Variants in SMCO2 observed in about 807,000 individuals in gnomAD.
SMCO2 encodes single-pass membrane protein with coiled-coil domains 2.
A neutral mutation model predicts 29.5 loss-of-function variants in SMCO2; 25 were observed. That is an observed-to-expected ratio of 0.85 (90% CI 0.62 to 1.18). SMCO2 has a LOEUF of 1.18. Ranked by LOEUF, SMCO2 falls within the 50% of genes most tolerant of loss-of-function variation. The pLI is 0.00. For synonymous variants in SMCO2, 117 were observed against 123.3 expected (o/e 0.95, Z 0.34); for missense variants, 348 against 344.5 (o/e 1.01, Z -0.08).
At chr12:27,464,055 T>C (rs1207866816), upstream of SMCO2, among the ~76,000 whole-genome samples, 1 of 151,744 alleles carries the variant, frequency 6.6e-6, no homozygotes, top group Non-Finnish European at 1.5e-5. Context: ...CAAGCAGAGG[T>C]TTTGAAATTG....
intron 4 of SMCO2, among the ~76,000 whole-genome samples, chr12:27,480,020 C>T (rs575380036): frequency 1.3e-5 from 2 of 152,254 alleles, no homozygotes; most frequent in East Asian, 3.9e-4. Context: ...CCAGGGAAGC[C>T]AACAGCATAG....
At chr12:27,443,624 C>T in the SMCO2 span, among the ~76,000 whole-genome samples, 4,364 of 152,296 alleles carry the variant, frequency 0.029, 97 homozygotes, top group Non-Finnish European at 0.046. Flanking sequence ...AACCTAAAGA[C>T]TCCACCACAA....
intron 4 of SMCO2, 31 bp from the exon 6 acceptor site, chr12:27,488,429 T>G (rs1429094463): frequency 1.4e-6 from 2 of 1,412,872 alleles, no homozygotes; most frequent in Non-Finnish European, 1.9e-6. Flanking sequence ...TTTCTTAATC[T>G]GCAGGCCTTA....
At chr12:27,430,382 T>C in the SMCO2 span, among the ~76,000 whole-genome samples, 16 of 152,232 alleles carry the variant, frequency 1.1e-4, no homozygotes, top group Non-Finnish European at 4.4e-5. Flanking sequence ...ATATTTTGTT[T>C]ATAAAATATA....
chr12:27,452,223 A>G, the SMCO2 span, among the ~76,000 whole-genome samples: 4 of 152,202 alleles, frequency 2.6e-5, no homozygotes, highest in Non-Finnish European at 5.9e-5. Context: ...TATCAATTGT[A>G]CAAGTGCAAC....
At chr12:27,484,492 A>C (rs930217651) in intron 4 of SMCO2, among the ~76,000 whole-genome samples, 8 of 152,190 alleles carry the variant, frequency 5.3e-5, no homozygotes, top group African/African-American at 1.7e-4. Flanking sequence ...AGTTTTGCAG[A>C]GTATATAATT....
At chr12:27,435,181 T>G in the SMCO2 span, among the ~76,000 whole-genome samples, 1 of 151,152 alleles carries the variant, frequency 6.6e-6, no homozygotes, top group East Asian at 2.0e-4. Flanking sequence ...TATAATTCTT[T>G]AATTATACAT....
At chr12:27,479,266 G>A (rs1032058373) in intron 4 of SMCO2, among the ~76,000 whole-genome samples, 3 of 152,128 alleles carry the variant, frequency 2.0e-5, no homozygotes, top group Non-Finnish European at 2.9e-5. Flanking sequence ...GGTGCCAACA[G>A]TGATGGCAGT....
chr12:27,435,524 C>CCTCT, the SMCO2 span, among the ~76,000 whole-genome samples: 1,262 of 142,044 alleles, frequency 8.9e-3, 25 homozygotes, highest in African/African-American at 0.031. Context: ...TGCTTTGTTA[C>CCTCT]CTCTCTCTCT....
intron 5 of SMCO2, among the ~76,000 whole-genome samples, chr12:27,491,710 C>CT (rs370875488): frequency 0.06 from 8,596 of 143,488 alleles, 691 homozygotes; most frequent in African/African-American, 0.18. Context: ...ATATATAGAT[C>CT]TTTTTTTTTT....
At chr12:27,478,933 C>T (rs571101485) in intron 4 of SMCO2, among the ~76,000 whole-genome samples, 2 of 152,326 alleles carry the variant, frequency 1.3e-5, no homozygotes, top group African/African-American at 4.8e-5. Flanking sequence ...GTGGACCTGT[C>T]CTCAGGCCCT....
chr12:27,479,346 C>G (rs1260154423), intron 4 of SMCO2, among the ~76,000 whole-genome samples: 1 of 151,720 alleles, frequency 6.6e-6, no homozygotes, highest in Non-Finnish European at 1.5e-5. Context: ...AGTGGGTGGA[C>G]CTGTCATCTG....
At chr12:27,469,224 C>A (rs1407054366) in intron 1 of SMCO2, among the ~76,000 whole-genome samples, 5 of 152,154 alleles carry the variant, frequency 3.3e-5, no homozygotes, top group Admixed American at 2.0e-4. Context: ...CAGATAGGGG[C>A]TGTGATGAAA....
chr12:27,492,681 A>T (rs1942935003), intron 5 of SMCO2, among the ~76,000 whole-genome samples: 1 of 152,204 alleles, frequency 6.6e-6, no homozygotes. Context: ...GTCAAAAAAT[A>T]ACAGATGTTG....
the SMCO2 span, among the ~76,000 whole-genome samples, chr12:27,426,487 G>T: frequency 6.6e-6 from 1 of 152,164 alleles, no homozygotes. Context: ...TTCTTCATTC[G>T]TAAAGTAGAC....
At chr12:27,481,520 G>T (rs1181585743) in intron 4 of SMCO2, among the ~76,000 whole-genome samples, 1 of 152,188 alleles carries the variant, frequency 6.6e-6, no homozygotes, top group Non-Finnish European at 1.5e-5. Context: ...GACCTGTTTG[G>T]TTTTCTGGCT....
chr12:27,471,710 A>G (rs1949542744), intron 2 of SMCO2, among the ~76,000 whole-genome samples: 1 of 152,198 alleles, frequency 6.6e-6, no homozygotes, highest in Non-Finnish European at 1.5e-5. Flanking sequence ...TCAACCTCAC[A>G]CATAAAATGA....
chr12:27,471,738 A>G (rs571029049), intron 2 of SMCO2, among the ~76,000 whole-genome samples: 14 of 152,330 alleles, frequency 9.2e-5, no homozygotes, highest in African/African-American at 2.2e-4. Flanking sequence ...ACTAAATGAG[A>G]TACCAGTTTA....
At chr12:27,440,074 C>T in the SMCO2 span, among the ~76,000 whole-genome samples, 1 of 152,054 alleles carries the variant, frequency 6.6e-6, no homozygotes, top group South Asian at 2.1e-4. Context: ...AGGCTAAAGA[C>T]AAAGTGAAGA....
Sources: allele counts gnomAD v4.1 joint callset (sites outside exome capture counted in the v4.1 genomes callset), GRCh38; gene constraint gnomAD v4.1.1; transcripts MANE v1.5; gene names NCBI Gene and HGNC (gene_info 2026-07-23, HGNC 2026-07-21).